Variants in SIRT1 observed in about 807,000 individuals in gnomAD.
SIRT1 encodes the protein sirtuin 1.
In SIRT1, 24 loss-of-function variants were observed where a neutral mutation model predicts 67.9. That is an observed-to-expected ratio of 0.35 (90% CI 0.26 to 0.50). SIRT1 has a LOEUF of 0.50. Among genes scored for constraint, SIRT1 ranks in the 20% least tolerant of loss-of-function variants. The pLI, the probability that SIRT1 is intolerant of heterozygous loss-of-function variation, is 0.98. For synonymous variants in SIRT1, 378 were observed against 350.7 expected (o/e 1.08, Z -0.87); for missense variants, 873 against 937.2 (o/e 0.93, Z 0.89).
chr10:67,915,880 T>C (rs535600300), intron 8 of SIRT1, among the ~76,000 whole-genome samples: 21 of 152,308 alleles, frequency 1.4e-4, no homozygotes, highest in African/African-American at 4.6e-4. Flanking sequence ...GTTGTGAAAA[T>C]TTATTTCATA....
chr10:67,899,231 T>G (rs1468634149), intron 4 of SIRT1, among the ~76,000 whole-genome samples: 1 of 151,898 alleles, frequency 6.6e-6, no homozygotes, highest in African/African-American at 2.4e-5. Context: ...TTAGCTGATT[T>G]GGCTGATTTA....
intron 2 of SIRT1, among the ~76,000 whole-genome samples, chr10:67,887,839 G>A (rs1842510082): frequency 6.6e-6 from 1 of 152,218 alleles, no homozygotes; most frequent in Non-Finnish European, 1.5e-5. Flanking sequence ...GCCTCCCAAA[G>A]TGCTGGGATT....
At chr10:67,896,202 G>A (rs116843273) in intron 4 of SIRT1, among the ~76,000 whole-genome samples, 2 of 152,200 alleles carry the variant, frequency 1.3e-5, no homozygotes, top group African/African-American at 2.4e-5. Context: ...ATCACAGCTC[G>A]TTGCAGCCTT....
rs1332764907 is a variant in SIRT1 at position 67,913,017 on chromosome 10, G to A, written c.1901G>A (p.Ser634Asn). Residue 634 changes from serine to asparagine, a missense_variant, in exon 8 of 9, where the codon AGT becomes AAT. Transcript: ENST00000212015. ...AATAGAGTGGCAAAGGAGCAGATTA[G>A]TAGGCGGCTTGATGGTAAGAAAGGC... ...WPNRVAKEQI[S>N]RRLDGNQYLF... 2.5e-6 allele frequency: 4 copies of A among 1,596,666 alleles called. No individual in the cohort carries two copies. Among genetic ancestry groups the A allele is most frequent in the South Asian group, 2.3e-5 (2 of 87,902 alleles).
At chr10:67,897,441 C>T (rs1169508299) in intron 4 of SIRT1, among the ~76,000 whole-genome samples, 2 of 151,914 alleles carry the variant, frequency 1.3e-5, no homozygotes, top group African/African-American at 2.4e-5. Flanking sequence ...GATCTTGGCT[C>T]ACTGCAACCT....
rs577607576 is a variant in SIRT1, at chr10:67,887,258, G to T, written c.431-159G>T. ...CAGAATTCCTAAAGATGAAGAAACTGTTCCAATGAACAGTGCAAGCTGACC... is the reference window on the plus strand; with the variant it reads ...CAGAATTCCTAAAGATGAAGAAACTTTTCCAATGAACAGTGCAAGCTGACC... On this transcript the variant is annotated intron_variant, in intron 1 of 8. Transcript: ENST00000212015. Among the ~76,000 whole-genome samples, 8 of 152,296 alleles carry T rather than the reference G, an allele frequency of 5.3e-5. No individual in the cohort carries two copies. The South Asian group carries it at 1.2e-3, about 24-fold the overall frequency.
rs201384129 is a variant in SIRT1, at chr10:67,906,783, G to T, written c.943-7G>T. 1 of 1,605,306 alleles carries T rather than the reference G, an allele frequency of 6.2e-7. No individual in the cohort carries two copies. Among genetic ancestry groups the T allele is most frequent in the Middle Eastern group, 1.7e-4 (1 of 6,048 alleles). On this transcript the variant is annotated splice_polypyrimidine_tract_variant and splice_region_variant and intron_variant, in intron 4 of 8. Coordinates refer to ENST00000212015, the MANE Select transcript of SIRT1 (RefSeq NM_012238.5). ...TGTAAATTTTTTCTACCATTTGCTT[G>T]ATACAGGAAATATATCCTGGACAAT...
chr10:67,902,545 A>G (rs1453649714), intron 4 of SIRT1, among the ~76,000 whole-genome samples: 1 of 152,238 alleles, frequency 6.6e-6, no homozygotes, highest in Admixed American at 6.5e-5. Flanking sequence ...CCAATTTATT[A>G]GTATTGATTA....
At chr10:67,907,855 C>A (rs895079228) in intron 5 of SIRT1, among the ~76,000 whole-genome samples, 191 bp from the exon 6 acceptor site, 3 of 152,154 alleles carry the variant, frequency 2.0e-5, no homozygotes, top group Non-Finnish European at 4.4e-5. Context: ...AATTCTTCAT[C>A]CCCTAGATTC....
At chr10:67,896,226 C>T (rs1369813592) in intron 4 of SIRT1, among the ~76,000 whole-genome samples, 1 of 152,156 alleles carries the variant, frequency 6.6e-6, no homozygotes, top group Non-Finnish European at 1.5e-5. Flanking sequence ...CTCCTGGGCT[C>T]CTTGAACAGG....
intron 4 of SIRT1, among the ~76,000 whole-genome samples, chr10:67,901,715 T>A (rs1842747898): frequency 6.6e-6 from 1 of 152,242 alleles, no homozygotes; most frequent in Non-Finnish European, 1.5e-5. Context: ...CATTCTCTTG[T>A]GTTAGGTTAA....
chr10:67,898,970 T>C (rs1589075609), intron 4 of SIRT1, among the ~76,000 whole-genome samples: 1 of 152,354 alleles, frequency 6.6e-6, no homozygotes, highest in East Asian at 1.9e-4. Flanking sequence ...TGTAATTCTG[T>C]ATTTGTACAT....
Position 67,884,670 on chromosome 10 carries a change from T to C in SIRT1, c.-52T>C. ...GCCGCGGGGGCGCCAGTGCCGCGCG[T>C]CGAGCGGGAGCAGAGGAGGCGAGGG... is the stretch of plus-strand genomic sequence containing the variant. On this transcript the variant is annotated 5_prime_UTR_variant, in exon 1 of 9. Coordinates refer to ENST00000212015, the MANE Select transcript of SIRT1 (RefSeq NM_012238.5). The C allele has an allele frequency of 8.2e-7, 1 of 1,224,328 alleles. No individual in the cohort carries two copies. Among genetic ancestry groups the C allele is most frequent in the Non-Finnish European group, 1.0e-6 (1 of 983,522 alleles). The allele number at this position is 1,224,328 out of a possible 1,614,324, so 75.8% of individuals were successfully genotyped here.
intron 8 of SIRT1, among the ~76,000 whole-genome samples, chr10:67,913,383 TG>T (rs894969376): frequency 6.6e-6 from 1 of 152,156 alleles, no homozygotes; most frequent in African/African-American, 2.4e-5. Context: ...CTTCTTCAGG[TG>T]GGAAAACTCA....
chr10:67,891,626 C>G, intron 4 of SIRT1, 72 bp downstream of exon 4: 3 of 1,465,466 alleles, frequency 2.0e-6, no homozygotes, highest in Non-Finnish European at 2.8e-6. Flanking sequence ...ATACAGCCAC[C>G]TTAAGGTTAT....
intron 4 of SIRT1, among the ~76,000 whole-genome samples, chr10:67,898,954 G>A (rs1842701145): frequency 6.6e-6 from 1 of 152,104 alleles, no homozygotes; most frequent in Non-Finnish European, 1.5e-5. Context: ...TTATGAAGTG[G>A]TGAACTGTAA....
At chr10:67,901,550 A>G (rs528307878) in intron 4 of SIRT1, among the ~76,000 whole-genome samples, 127 of 152,276 alleles carry the variant, frequency 8.3e-4, no homozygotes, top group South Asian at 2.3e-3. Context: ...GGTCTCTGTC[A>G]TATGTTCTTT....
chr10:67,890,344 G>T (rs1444761683), intron 3 of SIRT1, among the ~76,000 whole-genome samples: 2 of 152,150 alleles, frequency 1.3e-5, no homozygotes, highest in East Asian at 3.9e-4. Flanking sequence ...GTGATCCACC[G>T]TGCCTGGCTA....
rs1394927674 is a variant in SIRT1 at position 67,918,028 on chromosome 10, C to A, written c.*1435C>A. On this transcript the variant is annotated 3_prime_UTR_variant, in exon 9 of 9. Transcript: ENST00000212015. Reference sequence around the variant, plus strand: ...ATAAAACACCCAGCTAGGACCATTACTGCCAGAGAAAAAAATCGTATTGAA... The same window carrying A: ...ATAAAACACCCAGCTAGGACCATTAATGCCAGAGAAAAAAATCGTATTGAA... 6.6e-6 allele frequency: 1 copy of A among 152,622 alleles called. No individual in the cohort carries two copies. Among genetic ancestry groups the A allele is most frequent in the Non-Finnish European group, 1.5e-5 (1 of 68,032 alleles). The allele number at this position is 152,622 out of a possible 1,614,324, so 9.5% of individuals were successfully genotyped here. A position where few individuals can be genotyped will look rare whatever the true frequency, so the allele number is the denominator to read the frequency against.
Sources: allele counts gnomAD v4.1 joint callset (sites outside exome capture counted in the v4.1 genomes callset), GRCh38; gene constraint gnomAD v4.1.1; transcripts MANE v1.5; gene names NCBI Gene and HGNC (gene_info 2026-07-23, HGNC 2026-07-21).